Variants in DOCK3 observed in about 807,000 individuals in gnomAD.
The protein encoded by DOCK3 is dedicator of cytokinesis protein 3.
Under a neutral mutation model 265.6 loss-of-function variants are expected in DOCK3, and 60 were observed. That is an observed-to-expected ratio of 0.23 (90% CI 0.18 to 0.28). The LOEUF (loss-of-function observed/expected upper bound fraction) is 0.28. DOCK3 is among the 10% of genes least tolerant of loss of function. The pLI, the probability that DOCK3 is intolerant of heterozygous loss-of-function variation, is 1.00. For missense variants in DOCK3, 1,981 were observed against 2,594.3 expected (o/e 0.76, Z 5.14); for synonymous variants, 881 against 938.0 (o/e 0.94, Z 1.11).
At chr3:50,828,499 G>A (rs2044914681) in intron 2 of DOCK3, among the ~76,000 whole-genome samples, 1 of 151,888 alleles carries the variant, frequency 6.6e-6, no homozygotes, top group African/African-American at 2.4e-5. Context: ...CTGCCTCCTG[G>A]GTTCAAGAAA....
intron 4 of DOCK3, among the ~76,000 whole-genome samples, chr3:50,912,126 T>C (rs2107932043): frequency 6.6e-6 from 1 of 152,212 alleles, no homozygotes; most frequent in East Asian, 1.9e-4. Flanking sequence ...AGAAACAGTT[T>C]TACTTCCTCC....
At chr3:50,840,066 C>T (rs1053494120) in intron 2 of DOCK3, among the ~76,000 whole-genome samples, 12 of 151,816 alleles carry the variant, frequency 7.9e-5, no homozygotes, top group East Asian at 5.9e-4. Flanking sequence ...TGTGCCTGGC[C>T]GGGCTGTTTA....
At chr3:51,228,110 C>G (rs761166823) in intron 17 of DOCK3, 22 bp downstream of exon 17, 1 of 1,610,718 alleles carries the variant, frequency 6.2e-7, no homozygotes, top group East Asian at 2.2e-5. Context: ...AGCTGCCTTT[C>G]ATCCCCACCC....
At chr3:51,311,206 A>C (rs2083050413) in intron 28 of DOCK3, among the ~76,000 whole-genome samples, 1 of 152,152 alleles carries the variant, frequency 6.6e-6, no homozygotes, top group African/African-American at 2.4e-5. Flanking sequence ...TTTTTCTTTC[A>C]AAGCTTTGAC....
At chr3:51,336,743 C>T in intron 35 of DOCK3, 1 of 391,898 alleles carries the variant, frequency 2.6e-6, no homozygotes, top group South Asian at 1.9e-5. Flanking sequence ...GTGTAGGATG[C>T]CCCTGGTATC....
intron 51 of DOCK3, among the ~76,000 whole-genome samples, chr3:51,376,825 A>G (rs572961986): frequency 2.6e-5 from 4 of 152,332 alleles, no homozygotes; most frequent in Admixed American, 6.5e-5. Flanking sequence ...TGTCCTCTTT[A>G]AAGAGACAAA....
intron 5 of DOCK3, among the ~76,000 whole-genome samples, chr3:50,965,411 A>G (rs942619570): frequency 1.3e-5 from 2 of 152,122 alleles, no homozygotes; most frequent in African/African-American, 2.4e-5. Context: ...AAGTAAATAG[A>G]AAAGGAGAAA....
chr3:51,050,000 A>G (rs1299626114), intron 5 of DOCK3, among the ~76,000 whole-genome samples: 1 of 152,182 alleles, frequency 6.6e-6, no homozygotes, highest in East Asian at 1.9e-4. Context: ...AGTGAAATTA[A>G]CCAAGGAAAT....
intron 1 of DOCK3, among the ~76,000 whole-genome samples, chr3:50,775,325 C>T (rs756226813): frequency 7.2e-5 from 11 of 151,962 alleles, no homozygotes; most frequent in Non-Finnish European, 1.3e-4. Context: ...AAATTTTTAA[C>T]TTCTCTGCCA....
chr3:51,280,812 T>A (rs2081068018), intron 27 of DOCK3, among the ~76,000 whole-genome samples: 2 of 152,208 alleles, frequency 1.3e-5, no homozygotes, highest in Admixed American at 1.3e-4. Context: ...GAGGATCGAT[T>A]GAGCCCAGAA....
chr3:51,122,748 G>A (rs1351065563), intron 9 of DOCK3, among the ~76,000 whole-genome samples: 3 of 152,234 alleles, frequency 2.0e-5, no homozygotes, highest in African/African-American at 7.2e-5. Context: ...AGGAAATGGA[G>A]GGATTGGCTT....
intron 5 of DOCK3, among the ~76,000 whole-genome samples, chr3:50,959,479 C>G (rs1383719414): frequency 6.6e-6 from 1 of 151,448 alleles, no homozygotes; most frequent in African/African-American, 2.4e-5. Context: ...TACCTTTGAC[C>G]TGCATCTTCC....
chr3:51,364,970 T>C (rs1406283120), intron 49 of DOCK3, among the ~76,000 whole-genome samples: 2 of 152,264 alleles, frequency 1.3e-5, no homozygotes, highest in Non-Finnish European at 2.9e-5. Flanking sequence ...ATGCAGGCTC[T>C]TTTTTGGTTC....
At chr3:51,088,175 C>CATAT (rs2082499790) in intron 7 of DOCK3, among the ~76,000 whole-genome samples, 1 of 152,066 alleles carries the variant, frequency 6.6e-6, no homozygotes, top group African/African-American at 2.4e-5. Context: ...CATGTTCTAT[C>CATAT]ATATGTAGGG....
At chr3:51,262,324 CCTGA>C (rs1254195271) in intron 23 of DOCK3, among the ~76,000 whole-genome samples, 1 of 152,090 alleles carries the variant, frequency 6.6e-6, no homozygotes, top group East Asian at 1.9e-4. Context: ...AACAGAGGGG[CCTGA>C]CTGTTAGAAG....
intron 5 of DOCK3, among the ~76,000 whole-genome samples, chr3:51,032,908 T>TG (rs2080111535): frequency 6.6e-6 from 1 of 152,126 alleles, no homozygotes; most frequent in Non-Finnish European, 1.5e-5. Flanking sequence ...CAAGATCCTG[T>TG]CTCAAAAATA....
chr3:50,756,879 C>G (rs552783533), intron 1 of DOCK3, among the ~76,000 whole-genome samples: 1 of 151,962 alleles, frequency 6.6e-6, no homozygotes, highest in Non-Finnish European at 1.5e-5. Context: ...ATTGTGTTAT[C>G]TTTTTTCTTT....
At chr3:50,826,722 A>G (rs534549616) in intron 2 of DOCK3, among the ~76,000 whole-genome samples, 1 of 152,348 alleles carries the variant, frequency 6.6e-6, no homozygotes, top group East Asian at 1.9e-4. Context: ...AAAAAGAAAC[A>G]GTCAGATACC....
rs965561163 is a variant in DOCK3, at chr3:50,875,009, A to T, written c.163-15017A>T. Among the ~76,000 whole-genome samples the T allele has an allele frequency of 7.9e-5, 12 of 152,322 alleles. 3 individuals carry two copies. ...CTCACTCATAAGTGGGAGTTGAACAATGAGAACACATGGACACAGGGAGGG... is the reference window on the plus strand; with the variant it reads ...CTCACTCATAAGTGGGAGTTGAACATTGAGAACACATGGACACAGGGAGGG... On this transcript the variant is annotated intron_variant, in intron 3 of 52. Transcript: ENST00000266037.
Sources: gnomAD v4.1 joint callset for allele counts (sites outside exome capture counted in the v4.1 genomes callset) on GRCh38, gnomAD v4.1.1 for gene constraint, MANE v1.5 for transcripts, NCBI Gene and HGNC (gene_info 2026-07-23, HGNC 2026-07-21) for gene names.